The following DNAI7 variants were observed in gnomAD, a reference collection of about 807,000 sequenced individuals.
The protein encoded by DNAI7 is dynein axonemal intermediate chain 7.
DNAI7 carries 78 observed loss-of-function variants against 86.6 expected under a neutral mutation model. The observed-to-expected ratio is 0.90, with a 90% CI of 0.75 to 1.09. DNAI7 has a LOEUF of 1.09. Among genes scored for constraint, DNAI7 ranks in the 50% least tolerant of loss-of-function variants. DNAI7 has a pLI of 0.00. For missense variants in DNAI7, 753 were observed against 810.2 expected, an observed-to-expected ratio of 0.93 and a Z score of 0.86; for synonymous variants, 274 against 273.0, an observed-to-expected ratio of 1.00 and a Z score of -0.04.
chr12:25,109,572 G>A (rs1949617105), intron 15 of DNAI7, among the ~76,000 whole-genome samples: 1 of 151,922 alleles, frequency 6.6e-6, no homozygotes, highest in Non-Finnish European at 1.5e-5. Flanking sequence ...TTGTTCTTGA[G>A]TCAATTTGTA....
chr12:25,174,099 G>A (rs1948488430), intron 2 of DNAI7, among the ~76,000 whole-genome samples: 1 of 147,718 alleles, frequency 6.8e-6, no homozygotes, highest in Admixed American at 6.8e-5. Context: ...TGAGAATTGT[G>A]TATTCATGTC....
At chr12:25,136,473 C>T (rs942729078) in intron 9 of DNAI7, among the ~76,000 whole-genome samples, 4 of 152,086 alleles carry the variant, frequency 2.6e-5, no homozygotes, top group Admixed American at 2.0e-4. Flanking sequence ...ACCAGAAAAA[C>T]AATTCTGGTA....
rs1216566296 is a variant in DNAI7, at chr12:25,119,437, T to C, written c.1240-136A>G. The C allele has an allele frequency of 2.7e-5, 14 of 511,390 alleles. No homozygotes were observed. In the South Asian group the frequency reaches 5.9e-4, roughly 21 times the overall value. 31.7% of individuals were successfully genotyped at this position (511,390 alleles called of 1,614,324 possible). A position where few individuals can be genotyped will look rare whatever the true frequency, so the allele number is the denominator to read the frequency against. On this transcript the variant is annotated intron_variant, in intron 11 of 15. Coordinates refer to ENST00000395987, the MANE Select transcript of DNAI7 (RefSeq NM_018272.5). ...CCTATTTATATATAGATTAACAAAATGTCACAACAAAATTTAAAAGATACA... is the reference window on the plus strand; with the variant it reads ...CCTATTTATATATAGATTAACAAAACGTCACAACAAAATTTAAAAGATACA...
intron 2 of DNAI7, among the ~76,000 whole-genome samples, chr12:25,180,332 AG>A (rs1324203371): frequency 1.3e-5 from 2 of 152,262 alleles, no homozygotes; most frequent in East Asian, 3.8e-4. Context: ...ACGGATTAGA[AG>A]AATCAGTATC....
rs531701642 is a variant in DNAI7 at position 25,150,476 on chromosome 12, C to T, written c.439-702G>A. On this transcript the variant is annotated intron_variant, in intron 6 of 15. Transcript: ENST00000395987. The stretch of plus-strand genomic sequence containing the variant: ...AAAATTAGCCAGGTGTGGTGGCGGG[C>T]GCCTGTAGGCCCAGCAACTCGGGAG... 1.1e-4 allele frequency among the ~76,000 whole-genome samples: 17 copies of T among 151,782 alleles called. No homozygotes were observed. In the East Asian group the frequency reaches 1.4e-3, roughly 12 times the overall value.
intron 8 of DNAI7, among the ~76,000 whole-genome samples, chr12:25,146,476 G>A (rs1172949505): frequency 6.6e-6 from 1 of 151,456 alleles, no homozygotes; most frequent in Admixed American, 6.6e-5. Flanking sequence ...GCGTGCACCT[G>A]TAATCCCAGC....
At chr12:25,158,351 A>G in intron 4 of DNAI7, 121 bp downstream of exon 4, 1 of 714,710 alleles carries the variant, frequency 1.4e-6, no homozygotes, top group South Asian at 1.9e-5. Context: ...CTATGGTACG[A>G]TTAAGTTCAT....
chr12:25,181,932 C>A (rs1422954037), intron 2 of DNAI7, among the ~76,000 whole-genome samples: 1 of 152,046 alleles, frequency 6.6e-6, no homozygotes, highest in Non-Finnish European at 1.5e-5. Flanking sequence ...ATTAGTTCAA[C>A]CCCTATTGAA....
chr12:25,125,677 C>G (rs1028557004), intron 9 of DNAI7, among the ~76,000 whole-genome samples: 1 of 152,104 alleles, frequency 6.6e-6, no homozygotes, highest in Admixed American at 6.5e-5. Flanking sequence ...TTCATGAAAT[C>G]TTTGCCCATC....
At chr12:25,135,322 C>T (rs1943415226) in intron 9 of DNAI7, among the ~76,000 whole-genome samples, 1 of 152,214 alleles carries the variant, frequency 6.6e-6, no homozygotes, top group South Asian at 2.1e-4. Context: ...TGTAGGCGCT[C>T]CTGGTCTCCA....
At chr12:25,134,863 T>C (rs1943358756) in intron 9 of DNAI7, among the ~76,000 whole-genome samples, 1 of 152,152 alleles carries the variant, frequency 6.6e-6, no homozygotes, top group Non-Finnish European at 1.5e-5. Flanking sequence ...TGACAAATAT[T>C]GAGAAGAAGA....
intron 1 of DNAI7, among the ~76,000 whole-genome samples, chr12:25,194,546 T>C (rs1463061882): frequency 6.6e-6 from 1 of 152,226 alleles, no homozygotes; most frequent in Non-Finnish European, 1.5e-5. Flanking sequence ...GCTGAAAACA[T>C]GGCAGTTGAG....
At chr12:25,156,141 G>A (rs183582482) in intron 4 of DNAI7, among the ~76,000 whole-genome samples, 17 of 152,190 alleles carry the variant, frequency 1.1e-4, no homozygotes, top group African/African-American at 4.1e-4. Context: ...TGATGAAGAG[G>A]TGAAAATTAT....
intron 9 of DNAI7, among the ~76,000 whole-genome samples, chr12:25,140,605 T>C (rs1275330891): frequency 6.6e-6 from 1 of 152,038 alleles, no homozygotes; most frequent in Non-Finnish European, 1.5e-5. Context: ...CATGGATGGG[T>C]AGAATCATAT....
chr12:25,151,036 C>G (rs1003346145), intron 6 of DNAI7, among the ~76,000 whole-genome samples: 10 of 152,176 alleles, frequency 6.6e-5, no homozygotes, highest in Non-Finnish European at 1.5e-4. Context: ...GATGAAGGAA[C>G]AACTAGTAAG....
intron 9 of DNAI7, among the ~76,000 whole-genome samples, chr12:25,140,249 C>T (rs923816263): frequency 3.3e-5 from 5 of 151,230 alleles, no homozygotes; most frequent in African/African-American, 1.2e-4. Flanking sequence ...AAGAAGAAGT[C>T]AAACTCTCAT....
At chr12:25,144,002 A>G (rs2140846068) in intron 9 of DNAI7, among the ~76,000 whole-genome samples, 1 of 152,344 alleles carries the variant, frequency 6.6e-6, no homozygotes, top group South Asian at 2.1e-4. Context: ...AAACTGAGGA[A>G]GTAACAGGGT....
intron 10 of DNAI7, 67 bp from the exon 11 acceptor site, chr12:25,121,980 T>C: frequency 8.8e-7 from 1 of 1,132,562 alleles, no homozygotes; most frequent in East Asian, 2.6e-5. Flanking sequence ...GAAAGAAATT[T>C]AAAAATTCTC....
intron 2 of DNAI7, among the ~76,000 whole-genome samples, chr12:25,170,342 G>C (rs1948000719): frequency 1.3e-5 from 2 of 150,948 alleles, no homozygotes; most frequent in African/African-American, 4.9e-5. Flanking sequence ...AGTGAGCCGA[G>C]ATTGCGCCAC....
Sources: gnomAD v4.1 joint callset for allele counts (sites outside exome capture counted in the v4.1 genomes callset) on GRCh38, gnomAD v4.1.1 for gene constraint, MANE v1.5 for transcripts, NCBI Gene and HGNC (gene_info 2026-07-23, HGNC 2026-07-21) for gene names.